CAMK4: variants seen among roughly 807,000 people sequenced by gnomAD.
CAMK4 encodes the protein calcium/calmodulin-dependent protein kinase type IV.
Under a neutral mutation model 44.9 loss-of-function variants are expected in CAMK4, and 22 were observed. That is an observed-to-expected ratio of 0.49 (90% CI 0.35 to 0.70). CAMK4 has a LOEUF of 0.70. Among genes scored for constraint, CAMK4 ranks in the 30% least tolerant of loss-of-function variants. The probability of loss-of-function intolerance (pLI) is 0.01; values close to 1 mark genes in which losing one functional copy is unlikely to be tolerated. For missense variants in CAMK4, 498 were observed against 586.8 expected, an observed-to-expected ratio of 0.85 and a Z score of 1.56; for synonymous variants, 218 against 215.4, an observed-to-expected ratio of 1.01 and a Z score of -0.11.
Position 111,240,748 on chromosome 5 carries a change from A to G in CAMK4, c.161+16104A>G, listed in dbSNP as rs112142148. Among the ~76,000 whole-genome samples, 479 of 152,334 alleles carry G rather than the reference A, an allele frequency of 3.1e-3. 1 individual carries two copies. The highest frequency in any genetic ancestry group is 0.011 in the African/African-American group (455 of 41,582). Reference sequence around the variant, plus strand: ...AGGAGGAGGGATTACAAATGATTGGATATCACAGCCTTTCAAGTTGTTCTC... The same window carrying G: ...AGGAGGAGGGATTACAAATGATTGGGTATCACAGCCTTTCAAGTTGTTCTC... On this transcript the variant is annotated intron_variant, in intron 1 of 10. Transcript: ENST00000282356.
At chr5:111,433,543 T>C (rs1753536656) in intron 5 of CAMK4, among the ~76,000 whole-genome samples, 1 of 152,160 alleles carries the variant, frequency 6.6e-6, no homozygotes, top group Admixed American at 6.5e-5. Context: ...CTGCATTCTG[T>C]TGGCCACTAA....
intron 3 of CAMK4, among the ~76,000 whole-genome samples, chr5:111,375,723 T>G (rs1751189825): frequency 6.6e-6 from 1 of 152,184 alleles, no homozygotes; most frequent in Non-Finnish European, 1.5e-5. Context: ...CAGGCAGTTT[T>G]CTGGCTCAGC....
chr5:111,435,366 T>G (rs1753609585), intron 5 of CAMK4, among the ~76,000 whole-genome samples: 1 of 152,040 alleles, frequency 6.6e-6, no homozygotes, highest in Non-Finnish European at 1.5e-5. Context: ...ATATCTACTC[T>G]TATTTTTTAA....
intron 1 of CAMK4, among the ~76,000 whole-genome samples, chr5:111,265,530 T>C (rs571738998): frequency 7.4e-4 from 113 of 152,352 alleles, no homozygotes; most frequent in African/African-American, 2.6e-3. Flanking sequence ...ATTTAGCTTC[T>C]CTCATTTTAC....
At chr5:111,403,728 A>T (rs926625598) in intron 5 of CAMK4, among the ~76,000 whole-genome samples, 1 of 152,206 alleles carries the variant, frequency 6.6e-6, no homozygotes, top group African/African-American at 2.4e-5. Context: ...TTACAGTGCA[A>T]TATTGGGACA....
At chr5:111,384,720 C>A (rs1449395022) in intron 4 of CAMK4, among the ~76,000 whole-genome samples, 1 of 152,166 alleles carries the variant, frequency 6.6e-6, no homozygotes, top group Non-Finnish European at 1.5e-5. Flanking sequence ...TTTTCCCTTT[C>A]CCAGTGCTTC....
chr5:111,441,330 A>G (rs532859430), intron 5 of CAMK4, among the ~76,000 whole-genome samples: 1 of 152,304 alleles, frequency 6.6e-6, no homozygotes, highest in African/African-American at 2.4e-5. Flanking sequence ...TTTCTGTCTT[A>G]TGCTTTTTAA....
intron 1 of CAMK4, among the ~76,000 whole-genome samples, chr5:111,283,857 A>ATAGTAACATATTTTAATGATCT (rs1228213757): frequency 6.6e-6 from 1 of 152,222 alleles, no homozygotes; most frequent in Non-Finnish European, 1.5e-5. Context: ...TCTGTTTAAA[A>ATAGTAACATATTTTAATGATCT]TAGTAACATA....
intron 7 of CAMK4, among the ~76,000 whole-genome samples, chr5:111,454,647 CAAAA>C (rs66917170): frequency 8.7e-6 from 1 of 114,604 alleles, no homozygotes; most frequent in Non-Finnish European, 1.7e-5. Context: ...GTCACACAGA[CAAAA>C]AAAAAAAAAA....
At chr5:111,288,230 C>T (rs79145470) in intron 1 of CAMK4, among the ~76,000 whole-genome samples, 19,200 of 152,118 alleles carry the variant, frequency 0.13, 1,367 homozygotes, top group South Asian at 0.3. Context: ...GGCCAGTTGG[C>T]TTGGGTCCAC....
intron 5 of CAMK4, among the ~76,000 whole-genome samples, chr5:111,395,761 T>C (rs985556922): frequency 6.6e-6 from 1 of 152,320 alleles, no homozygotes; most frequent in East Asian, 1.9e-4. Context: ...AAGCTTCCCA[T>C]GTATTTGATG....
intron 2 of CAMK4, among the ~76,000 whole-genome samples, chr5:111,363,529 C>G (rs1056453891): frequency 3.3e-5 from 5 of 152,034 alleles, no homozygotes; most frequent in Admixed American, 6.6e-5. Context: ...GAATTAGTAA[C>G]TAAATGATAA....
chr5:111,324,933 A>G (rs993411011), intron 1 of CAMK4, among the ~76,000 whole-genome samples: 19 of 151,898 alleles, frequency 1.3e-4, no homozygotes, highest in Non-Finnish European at 2.2e-4. Context: ...TGCTGCACCT[A>G]TCAACCCGTC....
intron 5 of CAMK4, among the ~76,000 whole-genome samples, chr5:111,403,981 TTTC>T (rs1752325837): frequency 6.6e-6 from 1 of 152,158 alleles, no homozygotes; most frequent in African/African-American, 2.4e-5. Flanking sequence ...GGAGCCTCTA[TTTC>T]TTATAAAAGG....
rs139004418 is a variant in CAMK4, at chr5:111,486,542, C to CACACAT, written c.*2076_*2077insACACAT. The stretch of plus-strand genomic sequence containing the variant: ...ACACACACACACACACACACACACA[C>CACACAT]GTGTTGGAAGAGCAAAGAGAGGGAA... On this transcript the variant is annotated 3_prime_UTR_variant, in exon 11 of 11. Coordinates refer to ENST00000282356, the MANE Select transcript of CAMK4 (RefSeq NM_001744.6). 0.12 allele frequency: 17,658 copies of CACACAT among 147,160 alleles called. 1,386 individuals are homozygous for CACACAT. Among genetic ancestry groups the CACACAT allele is most frequent in the Middle Eastern group, 0.24 (67 of 282 alleles). 9.1% of individuals were successfully genotyped at this position (147,160 alleles called of 1,614,324 possible).
At chr5:111,433,413 A>G (rs1193508217) in intron 5 of CAMK4, among the ~76,000 whole-genome samples, 1 of 152,226 alleles carries the variant, frequency 6.6e-6, no homozygotes, top group Non-Finnish European at 1.5e-5. Context: ...TGATAGTCTT[A>G]GGATAGTCAT....
intron 1 of CAMK4, among the ~76,000 whole-genome samples, chr5:111,230,992 C>T (rs1561349234): frequency 6.6e-6 from 1 of 152,084 alleles, no homozygotes; most frequent in Non-Finnish European, 1.5e-5. Flanking sequence ...AAGTTGATAG[C>T]AGCTAGAGTC....
intron 1 of CAMK4, among the ~76,000 whole-genome samples, chr5:111,326,977 T>G (rs542114851): frequency 6.6e-6 from 1 of 152,038 alleles, no homozygotes; most frequent in African/African-American, 2.4e-5. Flanking sequence ...AATAGAAAGC[T>G]GAGTGCTTTC....
At chr5:111,377,050 G>GTT (rs1305926316) in intron 4 of CAMK4, 108 bp downstream of exon 4, 2 of 661,024 alleles carry the variant, frequency 3.0e-6, no homozygotes, top group Non-Finnish European at 5.3e-6. Flanking sequence ...GATTATACTT[G>GTT]TTGATAAATA....
Sources: gnomAD v4.1 joint callset for allele counts (sites outside exome capture counted in the v4.1 genomes callset) on GRCh38, gnomAD v4.1.1 for gene constraint, MANE v1.5 for transcripts, NCBI Gene and HGNC (gene_info 2026-07-23, HGNC 2026-07-21) for gene names.